Variants in GLRA1 observed in about 807,000 individuals in gnomAD.
The protein encoded by GLRA1 is glycine receptor subunit alpha-1.
A neutral mutation model predicts 48.3 loss-of-function variants in GLRA1; 37 were observed. The observed-to-expected ratio is 0.77, with a 90% CI of 0.59 to 1.01. GLRA1 has a LOEUF of 1.01. GLRA1 is among the 50% of genes least tolerant of loss of function. The pLI, the probability that GLRA1 is intolerant of heterozygous loss-of-function variation, is 0.00. For missense variants in GLRA1, 427 were observed against 571.0 expected, an observed-to-expected ratio of 0.75 and a Z score of 2.57; for synonymous variants, 196 against 210.7, an observed-to-expected ratio of 0.93 and a Z score of 0.60.
intron 3 of GLRA1, among the ~76,000 whole-genome samples, chr5:151,869,419 T>C (rs1389671347): frequency 6.6e-6 from 1 of 151,568 alleles, no homozygotes; most frequent in Non-Finnish European, 1.5e-5. Flanking sequence ...TGTATCATAT[T>C]GCTAAACTTT....
At chr5:151,842,051 C>A in intron 7 of GLRA1, among the ~76,000 whole-genome samples, 1 of 129,280 alleles carries the variant, frequency 7.7e-6, no homozygotes, top group African/African-American at 3.2e-5. Context: ...GAGCAAAACT[C>A]CATCTAAAAA....
chr5:151,848,877 C>A, intron 7 of GLRA1: 1 of 635,106 alleles, frequency 1.6e-6, no homozygotes, highest in South Asian at 1.5e-5. Flanking sequence ...CCCAGAACAC[C>A]TTCCACCATG....
rs368205781 is a variant in GLRA1 at position 151,850,226 on chromosome 5, G to A, written c.912+1164C>T. The A allele has an allele frequency of 4.0e-4, 637 of 1,604,326 alleles. 6 individuals carry two copies. The South Asian group carries it at 6.6e-3, about 17-fold the overall frequency. The stretch of plus-strand genomic sequence containing the variant: ...TGGAGGCCCATTACCAGGCCTGCTT[G>A]TATGCTGGAGCCAAGATGGTGGGTA... On this transcript the variant is annotated intron_variant, in intron 7 of 8. Transcript: ENST00000274576.
At chr5:151,838,342 G>A (rs1053889131) in intron 7 of GLRA1, among the ~76,000 whole-genome samples, 1 of 152,102 alleles carries the variant, frequency 6.6e-6, no homozygotes, top group African/African-American at 2.4e-5. Flanking sequence ...GGTGGTGCAT[G>A]CCTGTAATCC....
chr5:151,886,910 G>T, intron 2 of GLRA1, 122 bp from the exon 3 acceptor site: 1 of 767,426 alleles, frequency 1.3e-6, no homozygotes, highest in Non-Finnish European at 2.4e-6. Context: ...ATCCTTGCTT[G>T]CTCTCCACCC....
intron 7 of GLRA1, among the ~76,000 whole-genome samples, chr5:151,832,461 T>G (rs1423221205): frequency 6.6e-6 from 1 of 151,250 alleles, no homozygotes; most frequent in African/African-American, 2.5e-5. Flanking sequence ...ATAAATGACC[T>G]GATGGAGCTG....
chr5:151,903,248 G>C (rs1371371327), intron 1 of GLRA1, among the ~76,000 whole-genome samples: 1 of 152,142 alleles, frequency 6.6e-6, no homozygotes. Flanking sequence ...TCCTCAGTAG[G>C]CACTGAGGAA....
rs770295914 is a variant in GLRA1, at chr5:151,849,168, TTTC to T, written c.912+2219_912+2221del. On this transcript the variant is annotated intron_variant, in intron 7 of 8. Coordinates refer to ENST00000274576, the MANE Select transcript of GLRA1 (RefSeq NM_000171.4). Reference sequence around the variant, plus strand: ...TCTTTCTTTCTTTTCTTTTCTTTTCTTTCTTTCTTTCTTTCTTTCTTTTCTTTC... The same window carrying T: ...TCTTTCTTTCTTTTCTTTTCTTTTCTTTTCTTTCTTTCTTTCTTTTCTTTC... The T allele has an allele frequency of 7.1e-4, 83 of 116,230 alleles. 1 individual carries two copies. Among genetic ancestry groups the T allele is most frequent in the East Asian group, 3.9e-3 (25 of 6,390 alleles). The allele number at this position is 116,230 out of a possible 1,614,324, so 7.2% of individuals were successfully genotyped here. A position where few individuals can be genotyped will look rare whatever the true frequency, so the allele number is the denominator to read the frequency against.
chr5:151,836,065 T>A (rs1470750281), intron 7 of GLRA1, among the ~76,000 whole-genome samples: 1 of 152,210 alleles, frequency 6.6e-6, no homozygotes, highest in Non-Finnish European at 1.5e-5. Context: ...AAAACCCCAT[T>A]GTCTCAGCCC....
chr5:151,823,117 G>T (rs1763185646), intron 8 of GLRA1, 154 bp from the exon 9 acceptor site: 2 of 675,932 alleles, frequency 3.0e-6, no homozygotes, highest in Non-Finnish European at 2.4e-6. Flanking sequence ...TTTTTGGCTG[G>T]CTGGGGAGTT....
intron 1 of GLRA1, among the ~76,000 whole-genome samples, chr5:151,915,219 A>G (rs1308060416): frequency 6.6e-6 from 1 of 152,182 alleles, no homozygotes; most frequent in African/African-American, 2.4e-5. Context: ...ACACTCAATA[A>G]ATGCTAATGA....
intron 7 of GLRA1, among the ~76,000 whole-genome samples, chr5:151,838,452 G>C (rs1467142844): frequency 1.3e-5 from 2 of 152,178 alleles, no homozygotes; most frequent in Non-Finnish European, 2.9e-5. Flanking sequence ...CTGGGCAACA[G>C]AGTGAGAGTC....
chr5:151,880,876 A>C (rs1302360331), intron 3 of GLRA1, among the ~76,000 whole-genome samples: 1 of 152,188 alleles, frequency 6.6e-6, no homozygotes, highest in Non-Finnish European at 1.5e-5. Flanking sequence ...CAAATACCCA[A>C]AGAAAATAAT....
chr5:151,871,225 C>T (rs192342790), intron 3 of GLRA1, among the ~76,000 whole-genome samples: 13 of 149,424 alleles, frequency 8.7e-5, no homozygotes, highest in South Asian at 2.1e-4. Context: ...AATTGGATAA[C>T]GCTGAATAGA....
At chr5:151,831,474 C>T (rs938046842) in intron 7 of GLRA1, among the ~76,000 whole-genome samples, 7 of 152,158 alleles carry the variant, frequency 4.6e-5, no homozygotes, top group Non-Finnish European at 4.4e-5. Flanking sequence ...GGAGGAGTGT[C>T]CACCATTACT....
chr5:151,924,607 T>C lies in GLRA1; in HGVS notation c.-58A>G. On this transcript the variant is annotated 5_prime_UTR_variant, in exon 1 of 9. Transcript: ENST00000274576. Reference sequence around the variant, plus strand: ...TTATGGGGGCAAAAATGTTTCAAATTGGCACTTACAAAACCAGAAAGCGCT... The same window carrying C: ...TTATGGGGGCAAAAATGTTTCAAATCGGCACTTACAAAACCAGAAAGCGCT... 9.5e-7 allele frequency: 1 copy of C among 1,057,166 alleles called. No individual in the cohort carries two copies. Among genetic ancestry groups the C allele is most frequent in the Non-Finnish European group, 1.5e-6 (1 of 671,192 alleles). 65.5% of individuals were successfully genotyped at this position (1,057,166 alleles called of 1,614,324 possible).
intron 4 of GLRA1, 59 bp from the exon 5 acceptor site, chr5:151,856,442 C>T: frequency 1.9e-6 from 2 of 1,080,124 alleles, no homozygotes; most frequent in Non-Finnish European, 2.9e-6. Flanking sequence ...GGCTGTGCCT[C>T]TATTCTAGTT....
chr5:151,831,638 G>A (rs1007176448), intron 7 of GLRA1, among the ~76,000 whole-genome samples: 1 of 152,190 alleles, frequency 6.6e-6, no homozygotes, highest in Non-Finnish European at 1.5e-5. Context: ...GAAAGAAAAG[G>A]AGCAGCTCCA....
In GLRA1 at chr5:151,912,283, A is replaced by G. The variant is rs1293679142; in HGVS notation, c.56+12211T>C. On this transcript the variant is annotated intron_variant, in intron 1 of 8. Transcript: ENST00000274576. The stretch of plus-strand genomic sequence containing the variant: ...GACTGTTTTTTTTTTTTTTTTTTCT[A>G]CTAGATGTTTTAGGTCACATTGAGG... Among the ~76,000 whole-genome samples, 3 of 54,126 alleles carry G rather than the reference A, an allele frequency of 5.5e-5. No homozygotes were observed. In the South Asian group the frequency reaches 1.4e-3, roughly 25 times the overall value. 35.5% of individuals were successfully genotyped at this position (54,126 alleles called of 152,430 possible).
Sources: gnomAD v4.1 joint callset for allele counts (sites outside exome capture counted in the v4.1 genomes callset) on GRCh38, gnomAD v4.1.1 for gene constraint, MANE v1.5 for transcripts, NCBI Gene and HGNC (gene_info 2026-07-23, HGNC 2026-07-21) for gene names.